Variants in PIGF observed in about 807,000 individuals in gnomAD.
PIGF encodes phosphatidylinositol glycan anchor biosynthesis class F.
PIGF carries 23 observed loss-of-function variants against 26.0 expected under a neutral mutation model. The ratio of observed to expected loss-of-function variants is 0.88; its 90% CI spans 0.64 to 1.25. The LOEUF is 1.25. Ranked by LOEUF, PIGF falls within the 50% of genes most tolerant of loss-of-function variation. The pLI is 0.00. For missense variants in PIGF, 278 were observed against 249.9 expected, an observed-to-expected ratio of 1.11 and a Z score of -0.76; for synonymous variants, 93 against 92.6, an observed-to-expected ratio of 1.00 and a Z score of -0.03.
intron 5 of PIGF, chr2:46,591,817 C>T (rs755695512): frequency 9.2e-5 from 119 of 1,295,516 alleles, no homozygotes; most frequent in Non-Finnish European, 1.1e-4. Context: ...CAGTGCTTTA[C>T]CTAGCATATC....
At chr2:46,595,026 G>C (rs1380852409) in intron 4 of PIGF, among the ~76,000 whole-genome samples, 4 of 151,908 alleles carry the variant, frequency 2.6e-5, no homozygotes, top group African/African-American at 4.8e-5. Flanking sequence ...TTTTAGTAGA[G>C]ATGGGGTTTC....
intron 4 of PIGF, among the ~76,000 whole-genome samples, chr2:46,596,829 A>T (rs1169107485): frequency 6.6e-6 from 1 of 152,136 alleles, no homozygotes; most frequent in African/African-American, 2.4e-5. Context: ...TCCTCCTTTC[A>T]ACCGAATCAA....
intron 5 of PIGF, chr2:46,592,022 T>A: frequency 8.0e-7 from 1 of 1,253,090 alleles, no homozygotes; most frequent in Non-Finnish European, 1.0e-6. Context: ...AAGTTGAAAA[T>A]AGGAAATTTC....
At chr2:46,605,745 C>T (rs192414221) in intron 4 of PIGF, among the ~76,000 whole-genome samples, 1 of 152,226 alleles carries the variant, frequency 6.6e-6, no homozygotes, top group East Asian at 1.9e-4. Context: ...AGATTCCAAT[C>T]CCAGCTCTAC....
At chr2:46,591,829 G>A in intron 5 of PIGF, 3 of 1,300,560 alleles carry the variant, frequency 2.3e-6, no homozygotes, top group Non-Finnish European at 3.0e-6. Flanking sequence ...TAGCATATCA[G>A]CTTTATCTTA....
chr2:46,595,161 C>T (rs924443909), intron 4 of PIGF, among the ~76,000 whole-genome samples: 2 of 152,104 alleles, frequency 1.3e-5, no homozygotes, highest in African/African-American at 4.8e-5. Flanking sequence ...GTATACAAAT[C>T]AATGGTTTTT....
chr2:46,595,919 AATAAG>A (rs1406710201), intron 4 of PIGF, among the ~76,000 whole-genome samples: 1 of 152,166 alleles, frequency 6.6e-6, no homozygotes, highest in Non-Finnish European at 1.5e-5. Context: ...GAGATGTTTC[AATAAG>A]ATTTATGTGG....
At chr2:46,610,061 T>C (rs1446420717) in intron 4 of PIGF, among the ~76,000 whole-genome samples, 1 of 152,220 alleles carries the variant, frequency 6.6e-6, no homozygotes, top group Non-Finnish European at 1.5e-5. Context: ...GGTATGCCTG[T>C]ATTTTGTAAC....
At position 46,589,918 on chromosome 2, in the gene PIGF, T is replaced by C. The variant is rs914996935; in HGVS notation, c.546+2557A>G. Among the ~76,000 whole-genome samples the C allele has an allele frequency of 1.3e-5, 2 of 152,050 alleles. No homozygotes were observed. The highest frequency in any genetic ancestry group is 4.8e-5 in the African/African-American group (2 of 41,438). On this transcript the variant is annotated intron_variant, in intron 5 of 5. Coordinates refer to ENST00000281382, the MANE Select transcript of PIGF (RefSeq NM_002643.4). This position sits in a 1 kb window ranked among gnomAD's most constrained non-coding sequence, Gnocchi z 4.7. ...CTTTAGTTTATTAGTAAATAACTGC[T>C]AAAAGGGCAAGGAGCAGATGAGTGC...
chr2:46,581,924 AT>A (rs547692447), intron 5 of PIGF: 3,825 of 180,826 alleles, frequency 0.021, no homozygotes, highest in South Asian at 0.062. Context: ...CTAGTTGGTA[AT>A]TTTTTTTTTT....
chr2:46,613,963 G>A (rs1056153373), intron 2 of PIGF, 178 bp from the exon 3 acceptor site: 3 of 526,368 alleles, frequency 5.7e-6, no homozygotes, highest in Admixed American at 4.1e-5. Context: ...CTTCGATACA[G>A]ACTAAAAAAG....
At chr2:46,585,338 T>C (rs1490074702) in intron 5 of PIGF, among the ~76,000 whole-genome samples, 1 of 152,100 alleles carries the variant, frequency 6.6e-6, no homozygotes, top group Non-Finnish European at 1.5e-5. Flanking sequence ...AGCCAGTAAA[T>C]AGAAGAAACA....
rs181357988 is a variant in PIGF at position 46,594,755 on chromosome 2, C to G, written c.438-2172G>C. Among the ~76,000 whole-genome samples the G allele has an allele frequency of 3.3e-5, 5 of 151,442 alleles. No homozygotes were observed. In the East Asian group the frequency reaches 9.7e-4, roughly 29 times the overall value. ...TTCACCATGTTGGCCAGGCTGGTCT[C>G]GAACTCCTGACCTTGTGATCCGCCG... On this transcript the variant is annotated intron_variant, in intron 4 of 5. Transcript: ENST00000281382.
intron 1 of PIGF, chr2:46,615,650 T>C (rs1670593662): frequency 6.5e-6 from 1 of 154,656 alleles, no homozygotes; most frequent in Non-Finnish European, 1.4e-5. Flanking sequence ...ATTGTTGGTA[T>C]TTTTTTTTAC....
At position 46,614,987 on chromosome 2, in the gene PIGF, A is replaced by C. The variant is rs765491837; in HGVS notation, c.178T>G (p.Leu60Val). The C allele has an allele frequency of 6.0e-5, 96 of 1,603,264 alleles. 1 individual carries two copies. The South Asian group carries it at 1.0e-3, about 17-fold the overall frequency. Reference sequence around the variant, plus strand: ...GAGGATGTATTTGGTTTCACTACTAAATATAGTACTAGATTGACAGCAGTT... The same window carrying C: ...GAGGATGTATTTGGTTTCACTACTACATATAGTACTAGATTGACAGCAGTT... ...FVTAVNLVLYLVVKPNTSSKR... is the reference protein window; with the variant it reads ...FVTAVNLVLYVVVKPNTSSKR... Residue 60 changes from leucine (L) to valine (V), a missense_variant, in exon 2 of 6, where the codon TTA becomes GTA. Physicochemically the swap from Leu to Val is conservative, Grantham distance 32. Coordinates refer to ENST00000281382, the MANE Select transcript of PIGF (RefSeq NM_002643.4).
rs1163094177 is a variant in PIGF at position 46,589,052 on chromosome 2, T to C, written c.546+3423A>G. 2.0e-5 allele frequency among the ~76,000 whole-genome samples: 3 copies of C among 152,104 alleles called. No homozygotes were observed. Among genetic ancestry groups the C allele is most frequent in the Admixed American group, 2.0e-4 (3 of 15,276 alleles). ...GATTATGGGAAATTCAAATATTTGT[T>C]TTCTTGCTGAGATTTTAAGGCAAAT... On this transcript the variant is annotated intron_variant, in intron 5 of 5. Transcript: ENST00000281382. This position sits in a 1 kb window ranked among gnomAD's most constrained non-coding sequence, Gnocchi z 4.7.
intron 4 of PIGF, among the ~76,000 whole-genome samples, chr2:46,611,536 CA>C (rs1181707712): frequency 6.6e-6 from 1 of 151,744 alleles, no homozygotes; most frequent in Non-Finnish European, 1.5e-5. Context: ...CACAGCTTAG[CA>C]TAACACAATA....
intron 4 of PIGF, among the ~76,000 whole-genome samples, chr2:46,594,472 T>G (rs901628069): frequency 7.3e-5 from 11 of 151,560 alleles, no homozygotes; most frequent in Non-Finnish European, 1.6e-4. Flanking sequence ...AGAACACAAG[T>G]CAGATTGCTA....
chr2:46,611,450 C>T (rs1172223414), intron 4 of PIGF, among the ~76,000 whole-genome samples: 7 of 151,078 alleles, frequency 4.6e-5, no homozygotes, highest in African/African-American at 4.9e-5. Context: ...TGCCACTGCA[C>T]TCCAGCCTGG....
Sources: gnomAD v4.1 joint callset for allele counts (sites outside exome capture counted in the v4.1 genomes callset) on GRCh38, gnomAD v4.1.1 for gene constraint, Gnocchi (gnomAD v3.1) non-coding constraint, MANE v1.5 for transcripts, NCBI Gene and HGNC (gene_info 2026-07-23, HGNC 2026-07-21) for gene names.